FAM90A20: variants seen among roughly 807,000 people sequenced by gnomAD.
FAM90A20 encodes the protein family with sequence similarity 90 member A20, also known as protein FAM90A20.
the FAM90A20 span, among the ~76,000 whole-genome samples, chr8:7,296,905 G>A: frequency 1.5e-5 from 2 of 137,222 alleles, 1 homozygote. Context: ...TTCCTGATCA[G>A]CACTCAGGTG....
At chr8:7,297,460 C>T in the FAM90A20 span, 2 of 1,549,158 alleles carry the variant, frequency 1.3e-6, no homozygotes, top group Non-Finnish European at 8.7e-7. Flanking sequence ...CCACACACAG[C>T]TTGGGCCTAG....
the FAM90A20 span, chr8:7,297,487 T>C: frequency 1.5e-3 from 2,263 of 1,535,102 alleles, 342 homozygotes; most frequent in African/African-American, 0.016. Flanking sequence ...ATCTCAGCTT[T>C]GGGTCAGGAG....
the FAM90A20 span, among the ~76,000 whole-genome samples, chr8:7,296,105 A>G: frequency 2.7e-4 from 35 of 130,674 alleles, 7 homozygotes; most frequent in East Asian, 4.1e-4. Context: ...CTTAGTTGGG[A>G]AGCCTAGAGG....
the FAM90A20 span, chr8:7,296,263 C>A: frequency 4.3e-6 from 3 of 704,190 alleles, no homozygotes; most frequent in Non-Finnish European, 2.6e-6. Flanking sequence ...CCAGGGGGCA[C>A]GGCCTGACCT....
the FAM90A20 span, chr8:7,297,268 T>G: frequency 7.6e-5 from 106 of 1,401,552 alleles, 21 homozygotes; most frequent in African/African-American, 9.3e-4. Context: ...TCCCTCGGCC[T>G]GCAGTCAGGC....
the FAM90A20 span, chr8:7,297,176 C>G: frequency 2.3e-5 from 35 of 1,537,062 alleles, 8 homozygotes; most frequent in African/African-American, 2.0e-4. Context: ...CTTGGCTTCA[C>G]TGTCTCCCCT....
chr8:7,297,742 T>C, the FAM90A20 span: 2,526 of 1,484,868 alleles, frequency 1.7e-3, 227 homozygotes, highest in South Asian at 5.8e-3. Context: ...CTTGCCTGCC[T>C]ACTGCCCAGG....
chr8:7,295,521 C>G, the FAM90A20 span: 1 of 582,960 alleles, frequency 1.7e-6, no homozygotes, highest in Non-Finnish European at 3.0e-6. Context: ...GGTGTCCCCT[C>G]TTTGGAATCC....
the FAM90A20 span, chr8:7,297,789 A>T: frequency 7.6e-7 from 1 of 1,312,078 alleles, no homozygotes; most frequent in East Asian, 2.3e-5. Flanking sequence ...GCCAGCCATG[A>T]TGGGGCCCAG....
the FAM90A20 span, chr8:7,297,724 C>T: frequency 2.7e-6 from 4 of 1,496,758 alleles, no homozygotes; most frequent in South Asian, 1.1e-5. Context: ...AGCCTCCGCA[C>T]CGCAGACCTT....
the FAM90A20 span, chr8:7,297,152 G>C: frequency 4.8e-4 from 740 of 1,529,042 alleles, 67 homozygotes; most frequent in Non-Finnish European, 6.3e-4. Context: ...CGAAATGTCT[G>C]GCAGGGGCTC....
At chr8:7,297,078 T>A in the FAM90A20 span, 4 of 1,510,784 alleles carry the variant, frequency 2.6e-6, no homozygotes, top group Non-Finnish European at 3.5e-6. Flanking sequence ...AGGGGGCCAA[T>A]GCCGGTCCAC....
the FAM90A20 span, chr8:7,297,287 C>T: frequency 5.2e-6 from 7 of 1,352,854 alleles, no homozygotes; most frequent in Non-Finnish European, 7.2e-6. Context: ...GCACCAGGTC[C>T]ACGAGACTCT....
chr8:7,296,314 C>G, the FAM90A20 span: 3 of 740,108 alleles, frequency 4.1e-6, no homozygotes, highest in Non-Finnish European at 7.3e-6. Flanking sequence ...GAGGAAGGCT[C>G]TCCTCCACAT....
chr8:7,297,019 C>G, the FAM90A20 span: 7 of 1,440,344 alleles, frequency 4.9e-6, 1 homozygote, highest in Non-Finnish European at 6.5e-6. Flanking sequence ...ATGTTGGCTC[C>G]ATGCTGAGGA....
chr8:7,297,772 C>T, the FAM90A20 span: 3 of 1,456,838 alleles, frequency 2.1e-6, 1 homozygote, highest in South Asian at 1.1e-5. Context: ...TGTCCCATCA[C>T]CCAGCGGCCA....
At chr8:7,297,742 T>A in the FAM90A20 span, 9 of 1,485,404 alleles carry the variant, frequency 6.1e-6, no homozygotes, top group Middle Eastern at 2.3e-4. Context: ...CTTGCCTGCC[T>A]ACTGCCCAGG....
At chr8:7,296,931 C>T in the FAM90A20 span, 3 of 783,590 alleles carry the variant, frequency 3.8e-6, no homozygotes, top group East Asian at 2.7e-5. Context: ...TCTGTCCCTA[C>T]TTCCAAGGAC....
the FAM90A20 span, chr8:7,297,039 C>A: frequency 4.1e-6 from 6 of 1,473,042 alleles, no homozygotes; most frequent in South Asian, 2.4e-5. Flanking sequence ...AACTTCTAAC[C>A]TGTGTTGTTT....
Sources: gnomAD v4.1 joint callset for allele counts (sites outside exome capture counted in the v4.1 genomes callset) on GRCh38, gnomAD v4.1.1 for gene constraint, MANE v1.5 for transcripts, NCBI Gene and HGNC (gene_info 2026-07-23, HGNC 2026-07-21) for gene names.